The following NBAS variants were observed in gnomAD, a reference collection of about 807,000 sequenced individuals.
The protein encoded by NBAS is NAG/BC035112 fusion.
Under a neutral mutation model 302.5 loss-of-function variants are expected in NBAS, and 219 were observed. The observed-to-expected ratio is 0.72, with a 90% CI of 0.65 to 0.81. The LOEUF (loss-of-function observed/expected upper bound fraction) is 0.81. Among genes scored for constraint, NBAS ranks in the 30% least tolerant of loss-of-function variants. The pLI is 0.00. For missense variants in NBAS, 2,932 were observed against 2,841.6 expected (o/e 1.03, Z -0.72); for synonymous variants, 1,118 against 1,021.6 (o/e 1.09, Z -1.80).
intron 16 of NBAS, among the ~76,000 whole-genome samples, chr2:15,471,478 T>A (rs1223912299): frequency 6.6e-6 from 1 of 152,204 alleles, no homozygotes; most frequent in Admixed American, 6.5e-5. Flanking sequence ...TTCCCAGTGT[T>A]TCCTATAATC....
chr2:15,540,913 G>A (rs1378345865), intron 6 of NBAS, among the ~76,000 whole-genome samples: 1 of 151,836 alleles, frequency 6.6e-6, no homozygotes, highest in Non-Finnish European at 1.5e-5. Flanking sequence ...TAGTAGAGAC[G>A]GGATTTCACC....
At chr2:15,424,274 T>G (rs1213132735) in intron 23 of NBAS, 41 bp downstream of exon 23, 2 of 1,611,824 alleles carry the variant, frequency 1.2e-6, no homozygotes. Context: ...CCAAGGCAGT[T>G]CCACTAACAT....
chr2:14,857,129 T>C, the NBAS span, among the ~76,000 whole-genome samples: 5 of 152,068 alleles, frequency 3.3e-5, no homozygotes, highest in Non-Finnish European at 5.9e-5. Flanking sequence ...CAGTGAAAGA[T>C]GTCTATAATG....
the NBAS span, among the ~76,000 whole-genome samples, chr2:14,960,499 T>C: frequency 6.6e-6 from 1 of 152,210 alleles, no homozygotes; most frequent in Non-Finnish European, 1.5e-5. Context: ...ACAATATCGC[T>C]GTGAGACAGG....
chr2:15,338,710 C>CACACACACACACACAT (rs1454097551), intron 35 of NBAS, among the ~76,000 whole-genome samples: 29 of 148,858 alleles, frequency 1.9e-4, no homozygotes, highest in Non-Finnish European at 3.4e-4. Context: ...CACACACACA[C>CACACACACACACACAT]ATCAAATTAG....
chr2:15,218,669 C>A, intron 48 of NBAS, 104 bp downstream of exon 48: 2 of 1,465,646 alleles, frequency 1.4e-6, no homozygotes, highest in East Asian at 4.5e-5. Flanking sequence ...CTCAGGTGAT[C>A]CTCCCACCTT....
the NBAS span, among the ~76,000 whole-genome samples, chr2:15,014,033 CA>C: frequency 6.6e-6 from 1 of 150,922 alleles, no homozygotes; most frequent in Admixed American, 6.6e-5. Flanking sequence ...GACTTTAAGT[CA>C]AAAAATAAAA....
intron 48 of NBAS, among the ~76,000 whole-genome samples, 191 bp downstream of exon 48, chr2:15,218,582 C>T (rs1666762157): frequency 6.6e-6 from 1 of 152,164 alleles, no homozygotes; most frequent in Non-Finnish European, 1.5e-5. Flanking sequence ...TGCCACCACA[C>T]CAGGCTGTTT....
At chr2:15,268,346 T>C (rs1221701574) in intron 44 of NBAS, among the ~76,000 whole-genome samples, 2 of 152,184 alleles carry the variant, frequency 1.3e-5, no homozygotes, top group Non-Finnish European at 2.9e-5. Context: ...CGTCCAACAA[T>C]GGTTACGGAG....
intron 28 of NBAS, among the ~76,000 whole-genome samples, chr2:15,391,390 T>C: frequency 6.6e-6 from 1 of 150,656 alleles, no homozygotes; most frequent in Non-Finnish European, 1.5e-5. Context: ...AAAAAAAAAC[T>C]CTTAATGAAA....
At chr2:14,825,912 G>A in the NBAS span, among the ~76,000 whole-genome samples, 5 of 152,154 alleles carry the variant, frequency 3.3e-5, no homozygotes, top group South Asian at 2.1e-4. Flanking sequence ...CAGTTTGCAC[G>A]AAATCGATGA....
At chr2:14,872,219 G>A in the NBAS span, among the ~76,000 whole-genome samples, 3 of 151,962 alleles carry the variant, frequency 2.0e-5, no homozygotes, top group Admixed American at 6.6e-5. Context: ...TATAACAATA[G>A]AACTTTAAAA....
chr2:15,252,206 A>G (rs1668394800), intron 44 of NBAS, among the ~76,000 whole-genome samples: 1 of 152,164 alleles, frequency 6.6e-6, no homozygotes. Flanking sequence ...TTCTTTTAAA[A>G]ATGAACATAG....
the NBAS span, among the ~76,000 whole-genome samples, chr2:15,123,418 T>C: frequency 6.6e-6 from 1 of 152,100 alleles, no homozygotes; most frequent in Non-Finnish European, 1.5e-5. Context: ...GTTTGGATGT[T>C]TGTTCACTCC....
In NBAS at chr2:15,286,047, G is replaced by A. The variant is rs528152395; in HGVS notation, c.5138+1026C>T. ...ACGGAGTGATGCCACCATCTGGCAA[G>A]TGAACAAGGAAGAACCTAGGGATGC... On this transcript the variant is annotated intron_variant, in intron 42 of 51. Coordinates refer to ENST00000281513, the MANE Select transcript of NBAS (RefSeq NM_015909.4). Among the ~76,000 whole-genome samples the A allele has an allele frequency of 2.4e-4, 36 of 152,328 alleles. No homozygotes were observed. The South Asian group carries it at 6.8e-3, about 29-fold the overall frequency.
Position 15,255,170 on chromosome 2 carries a change from T to C in NBAS, c.5725-16484A>G, listed in dbSNP as rs562357736. Among the ~76,000 whole-genome samples the C allele has an allele frequency of 2.6e-5, 4 of 152,372 alleles. No individual in the cohort carries two copies. The East Asian group carries it at 7.7e-4, about 29-fold the overall frequency. On this transcript the variant is annotated intron_variant, in intron 44 of 51. Transcript: ENST00000281513. ...GTTTTCCATAGTGGTTGTACTAGTT[T>C]ACATTCCCACCAGCAGTGTAAAGAT...
At chr2:15,086,116 C>A in the NBAS span, among the ~76,000 whole-genome samples, 1 of 152,074 alleles carries the variant, frequency 6.6e-6, no homozygotes, top group African/African-American at 2.4e-5. Context: ...TTTCTGGGCC[C>A]CTGCATGGCT....
intron 21 of NBAS, among the ~76,000 whole-genome samples, chr2:15,441,581 G>C (rs1437828223): frequency 1.3e-5 from 2 of 151,376 alleles, no homozygotes; most frequent in East Asian, 3.9e-4. Flanking sequence ...ATCGAGACTA[G>C]GAAGAAACTG....
intron 27 of NBAS, among the ~76,000 whole-genome samples, chr2:15,395,833 T>C (rs769036515): frequency 1.3e-5 from 2 of 152,050 alleles, no homozygotes; most frequent in African/African-American, 4.8e-5. Flanking sequence ...AGTAAAAATA[T>C]CAGACTTTCT....
Sources: allele counts gnomAD v4.1 joint callset (sites outside exome capture counted in the v4.1 genomes callset), GRCh38; gene constraint gnomAD v4.1.1; transcripts MANE v1.5; gene names NCBI Gene and HGNC (gene_info 2026-07-23, HGNC 2026-07-21).